The following CIT variants were observed in gnomAD, a reference collection of about 807,000 sequenced individuals.
CIT encodes citron Rho-interacting kinase.
In CIT, 79 loss-of-function variants were observed where a neutral mutation model predicts 272.7. The ratio of observed to expected loss-of-function variants is 0.29; its 90% CI spans 0.24 to 0.35. The LOEUF (loss-of-function observed/expected upper bound fraction) is 0.35, where lower values mean the gene tolerates loss of function less well. CIT is among the 10% of genes least tolerant of loss of function. The pLI, the probability that CIT is intolerant of heterozygous loss-of-function variation, is 1.00. For synonymous variants in CIT, 948 were observed against 995.6 expected (o/e 0.95, Z 0.90); for missense variants, 1,909 against 2,618.3 (o/e 0.73, Z 5.91).
In CIT at chr12:119,713,910, G is replaced by A. The variant is rs137988355; in HGVS notation, c.4307-262C>T. ...AGGTGTGTAAAGAACACGTTTGCAT[G>A]TTTCAGTTGGAGTCAGCGGAAAGGT... On this transcript the variant is annotated intron_variant, in intron 33 of 47. Transcript: ENST00000392521. The surrounding 1 kb of genome is among the most constrained non-coding windows in gnomAD (Gnocchi z 5.2). 188 of 605,318 alleles carry A rather than the reference G, an allele frequency of 3.1e-4. 3 individuals carry two copies. The East Asian group carries it at 5.2e-3, about 17-fold the overall frequency. 37.5% of individuals were successfully genotyped at this position (605,318 alleles called of 1,614,324 possible).
intron 5 of CIT, among the ~76,000 whole-genome samples, chr12:119,837,728 G>A (rs1969104731): frequency 6.6e-6 from 1 of 152,192 alleles, no homozygotes; most frequent in South Asian, 2.1e-4. Flanking sequence ...CTCTAGGTTA[G>A]AACTTCCCAA....
At chr12:119,721,183 T>C (rs1957800618) in intron 29 of CIT, 126 bp downstream of exon 29, 1 of 705,982 alleles carries the variant, frequency 1.4e-6, no homozygotes, top group Non-Finnish European at 2.1e-6. Flanking sequence ...GCCAGGCTGG[T>C]CTCGAACTCC....
chr12:119,765,680 T>G (rs1962365605), intron 19 of CIT, among the ~76,000 whole-genome samples: 1 of 151,692 alleles, frequency 6.6e-6, no homozygotes, highest in Admixed American at 6.6e-5. Flanking sequence ...TCAAGTTGCC[T>G]AGGCTAGTCT....
chr12:119,770,730 C>T lies in CIT; in HGVS notation c.2208+55G>A, dbSNP rs554670054. The T allele has an allele frequency of 1.1e-4, 177 of 1,607,024 alleles. No homozygotes were observed. In the Middle Eastern group the frequency reaches 1.7e-3, roughly 15 times the overall value. On this transcript the variant is annotated intron_variant, in intron 18 of 47. Coordinates refer to ENST00000392521, the MANE Select transcript of CIT (RefSeq NM_001206999.2). This position sits in a 1 kb window ranked among gnomAD's most constrained non-coding sequence, Gnocchi z 4.4. ...TTAATTCTTCTTCTTACCCCCTTCC[C>T]TTTGCAAACTCTAACCTGTTATCTT...
rs75442092 is a variant in CIT, at chr12:119,823,188, C to T, written c.958-215G>A. On this transcript the variant is annotated intron_variant, in intron 8 of 47. Coordinates refer to ENST00000392521, the MANE Select transcript of CIT (RefSeq NM_001206999.2). ...GCTTAGTTCCTTTGTAGGGGTTCAG[C>T]GTCCTCCATGGCTTGACCCCGGCTC... Among the ~76,000 whole-genome samples the T allele has an allele frequency of 0.018, 2,716 of 152,200 alleles. 37 individuals are homozygous for T. Among genetic ancestry groups the T allele is most frequent in the Non-Finnish European group, 0.02 (1,352 of 68,016 alleles).
chr12:119,857,167 G>A (rs540451698), intron 4 of CIT, among the ~76,000 whole-genome samples: 1 of 152,272 alleles, frequency 6.6e-6, no homozygotes, highest in Non-Finnish European at 1.5e-5. Context: ...AATACCTAAA[G>A]CGTGTACAAA....
chr12:119,739,295 T>C (rs1958942331), intron 24 of CIT, among the ~76,000 whole-genome samples: 1 of 152,358 alleles, frequency 6.6e-6, no homozygotes. Context: ...TCAAATCCTT[T>C]TTAAATGTCT....
chr12:119,760,202 A>G (rs1344505936), intron 20 of CIT, among the ~76,000 whole-genome samples: 1 of 151,712 alleles, frequency 6.6e-6, no homozygotes, highest in Non-Finnish European at 1.5e-5. Context: ...AAAAAAAAAA[A>G]AAGAGAGAGA....
Position 119,735,231 on chromosome 12 carries a change from G to A in CIT, c.3085C>T (p.Leu1029=), listed in dbSNP as rs761183971. Residue 1029 remains leucine (L), a synonymous_variant, in exon 25 of 48, where the codon CTG becomes TTG. Coordinates refer to ENST00000392521, the MANE Select transcript of CIT (RefSeq NM_001206999.2). The part of the protein sequence containing the change: ...ASGANDEIVQ[L]RSEVDHLRRE... ...CGGAGATGGTCCACTTCACTTCGCA[G>A]TTGTACAATCTCGTCGTTGGCGCCA... 1.2e-6 allele frequency: 2 copies of A among 1,614,082 alleles called. No homozygotes were observed. Among genetic ancestry groups the A allele is most frequent in the Non-Finnish European group, 1.7e-6 (2 of 1,180,050 alleles).
intron 44 of CIT, 96 bp downstream of exon 44, chr12:119,700,649 G>A (rs1188702559): frequency 2.0e-6 from 2 of 1,010,050 alleles, no homozygotes; most frequent in East Asian, 2.4e-5. Flanking sequence ...CCAAAGTGTT[G>A]GGATTACAGG....
At chr12:119,859,025 C>T (rs766348447) in intron 3 of CIT, among the ~76,000 whole-genome samples, 3 of 152,062 alleles carry the variant, frequency 2.0e-5, no homozygotes, top group Non-Finnish European at 4.4e-5. Flanking sequence ...ATTAAATGGA[C>T]AGTAGATTTG....
chr12:119,785,425 G>A (rs918228621), intron 10 of CIT, among the ~76,000 whole-genome samples: 3 of 152,138 alleles, frequency 2.0e-5, no homozygotes, highest in African/African-American at 2.4e-5. Context: ...CTTTGAACAC[G>A]GAGGAAGGGG....
Position 119,710,092 on chromosome 12 carries a change from G to A in CIT, c.5071+159C>T, listed in dbSNP as rs1957089440. Among the ~76,000 whole-genome samples the A allele has an allele frequency of 6.6e-6, 1 of 152,190 alleles. No homozygotes were observed. The highest frequency in any genetic ancestry group is 1.9e-4 in the East Asian group (1 of 5,200). On this transcript the variant is annotated intron_variant, in intron 39 of 47. Coordinates refer to ENST00000392521, the MANE Select transcript of CIT (RefSeq NM_001206999.2). This position sits in a 1 kb window ranked among gnomAD's most constrained non-coding sequence, Gnocchi z 5.6. The stretch of plus-strand genomic sequence containing the variant: ...GGAAGGGAACTGAATCTGGACAGAG[G>A]GGGTCCATTAGCTGAGGCTTGGGCA...
At chr12:119,780,432 C>T (rs1234495752) in intron 13 of CIT, among the ~76,000 whole-genome samples, 1 of 152,074 alleles carries the variant, frequency 6.6e-6, no homozygotes, top group Non-Finnish European at 1.5e-5. Flanking sequence ...GCCTGACAAA[C>T]ATGGTGAAAC....
chr12:119,791,490 T>C (rs1334770492), intron 10 of CIT, among the ~76,000 whole-genome samples: 1 of 152,150 alleles, frequency 6.6e-6, no homozygotes, highest in African/African-American at 2.4e-5. Context: ...GGGTAGATAT[T>C]AGAAACCCAG....
intron 43 of CIT, chr12:119,701,059 A>C: frequency 4.1e-6 from 1 of 246,044 alleles, no homozygotes; most frequent in Admixed American, 5.2e-5. Flanking sequence ...AGAGAACTCA[A>C]GTGAAAAGAA....
Position 119,720,465 on chromosome 12 carries a change from C to G in CIT, c.3840+13G>C, listed in dbSNP as rs754053091. The stretch of plus-strand genomic sequence containing the variant: ...AAACTGACAATTCCCACTTTTCAAA[C>G]ACTTTGACTCACCTTTTTCTTTTTA... On this transcript the variant is annotated intron_variant, in intron 30 of 47. Coordinates refer to ENST00000392521, the MANE Select transcript of CIT (RefSeq NM_001206999.2). 3 of 1,585,940 alleles carry G rather than the reference C, an allele frequency of 1.9e-6. No homozygotes were observed. Among genetic ancestry groups the G allele is most frequent in the Non-Finnish European group, 2.6e-6 (3 of 1,158,888 alleles).
intron 28 of CIT, among the ~76,000 whole-genome samples, chr12:119,723,079 A>T (rs1259802069): frequency 4.0e-5 from 1 of 25,302 alleles, no homozygotes; most frequent in African/African-American, 2.5e-4. Context: ...CGAAAATTTA[A>T]AAAAAAAATC....
At chr12:119,815,214 A>T (rs1277108600) in intron 9 of CIT, among the ~76,000 whole-genome samples, 1 of 150,894 alleles carries the variant, frequency 6.6e-6, no homozygotes, top group African/African-American at 2.4e-5. Flanking sequence ...TGTCAAAATC[A>T]TGATATCACC....
Sources: gnomAD v4.1 joint callset for allele counts (sites outside exome capture counted in the v4.1 genomes callset) on GRCh38, gnomAD v4.1.1 for gene constraint, Gnocchi (gnomAD v3.1) non-coding constraint, MANE v1.5 for transcripts, NCBI Gene and HGNC (gene_info 2026-07-23, HGNC 2026-07-21) for gene names.